The following TSHZ2 variants were observed in gnomAD, a reference collection of about 807,000 sequenced individuals.
The protein encoded by TSHZ2 is teashirt zinc finger homeobox 2.
Under a neutral mutation model 74.4 loss-of-function variants are expected in TSHZ2, and 21 were observed. The ratio of observed to expected loss-of-function variants is 0.28; its 90% CI spans 0.20 to 0.41. The LOEUF is 0.41. TSHZ2 is among the 10% of genes least tolerant of loss of function. The pLI is 1.00. For missense variants in TSHZ2, 1,244 were observed against 1,293.5 expected (o/e 0.96, Z 0.59); for synonymous variants, 540 against 515.3 (o/e 1.05, Z -0.65).
chr20:53,122,561 C>A (rs542579693), intron 1 of TSHZ2, among the ~76,000 whole-genome samples: 1 of 152,224 alleles, frequency 6.6e-6, no homozygotes, highest in East Asian at 1.9e-4. Context: ...AGAAAGTACT[C>A]CAGCCCAAGG....
At chr20:53,248,820 A>G (rs1990262629) in intron 1 of TSHZ2, among the ~76,000 whole-genome samples, 1 of 152,096 alleles carries the variant, frequency 6.6e-6, no homozygotes, top group South Asian at 2.1e-4. Flanking sequence ...ATTTATGGGG[A>G]TGCTCTGGTA....
chr20:53,253,626 G>A lies in TSHZ2; in HGVS notation c.168G>A (p.Thr56=), dbSNP rs267605999. ...CAGGGACGGACGAGGAGCTAGAAAC[G>A]GGCCCAGAGCAAAAAGGCTGCTTCA... is the stretch of plus-strand genomic sequence containing the variant. ...NDTGTDEELE[T]GPEQKGCFSY... The change falls in exon 2 of 3, where the codon ACG becomes ACA. Residue 56 remains threonine (T), a synonymous_variant. Coordinates refer to ENST00000371497, the MANE Select transcript of TSHZ2 (RefSeq NM_173485.6). 3.7e-6 allele frequency: 6 copies of A among 1,614,016 alleles called. No individual in the cohort carries two copies. In the South Asian group the frequency reaches 6.6e-5, roughly 18 times the overall value.
chr20:53,163,610 G>A lies in TSHZ2; in HGVS notation c.41-89889G>A, dbSNP rs534256430. On this transcript the variant is annotated intron_variant, in intron 1 of 2. Transcript: ENST00000371497. ...CAATGCTGTCTCTTGAATCACTCACGCTGGGGGACAGCCAGTAGCTGTGGT... is the reference window on the plus strand; with the variant it reads ...CAATGCTGTCTCTTGAATCACTCACACTGGGGGACAGCCAGTAGCTGTGGT... Among the ~76,000 whole-genome samples the A allele has an allele frequency of 7.2e-5, 11 of 152,032 alleles. No homozygotes were observed. In the East Asian group the frequency reaches 9.7e-4, roughly 13 times the overall value.
At chr20:53,462,815 T>TTAA (rs989855037) in intron 2 of TSHZ2, among the ~76,000 whole-genome samples, 1 of 151,888 alleles carries the variant, frequency 6.6e-6, no homozygotes, top group African/African-American at 2.4e-5. Flanking sequence ...CATGAGCCAG[T>TTAA]GGTTAAGGGG....
intron 2 of TSHZ2, among the ~76,000 whole-genome samples, chr20:53,385,224 A>G (rs752802367): frequency 1.6e-4 from 25 of 152,228 alleles, no homozygotes; most frequent in Non-Finnish European, 3.1e-4. Context: ...GGAATAATAT[A>G]AAAACAGGAG....
chr20:53,453,885 A>C (rs1218680704), intron 2 of TSHZ2, among the ~76,000 whole-genome samples: 1 of 151,998 alleles, frequency 6.6e-6, no homozygotes, highest in Non-Finnish European at 1.5e-5. Flanking sequence ...CTGGTTTGGA[A>C]GAAGTCACCA....
intron 2 of TSHZ2, among the ~76,000 whole-genome samples, chr20:53,308,523 G>A (rs993074136): frequency 5.9e-5 from 9 of 152,136 alleles, no homozygotes; most frequent in Non-Finnish European, 1.2e-4. Context: ...AAAGGCCACC[G>A]ACACTTAGGA....
intron 2 of TSHZ2, among the ~76,000 whole-genome samples, chr20:53,263,675 C>T (rs1214525016): frequency 2.0e-5 from 3 of 152,320 alleles, no homozygotes; most frequent in East Asian, 3.9e-4. Flanking sequence ...AGGCTGCTAG[C>T]TCGCAGCCCC....
At chr20:52,974,822 G>T (rs1463218380) in intron 1 of TSHZ2, among the ~76,000 whole-genome samples, 4 of 152,158 alleles carry the variant, frequency 2.6e-5, no homozygotes, top group Admixed American at 6.5e-5. Flanking sequence ...TTCCCTATTT[G>T]TAAGTTGGTT....
At chr20:53,347,738 C>G (rs1303439306) in intron 2 of TSHZ2, among the ~76,000 whole-genome samples, 1 of 151,992 alleles carries the variant, frequency 6.6e-6, no homozygotes, top group East Asian at 1.9e-4. Flanking sequence ...CTGTACAGAT[C>G]AATCCATTGC....
At chr20:53,444,855 G>A (rs953511961) in intron 2 of TSHZ2, among the ~76,000 whole-genome samples, 3 of 152,106 alleles carry the variant, frequency 2.0e-5, no homozygotes, top group African/African-American at 7.2e-5. Flanking sequence ...GTTTTATTTT[G>A]CCACTTGGCC....
At chr20:53,118,256 C>T (rs1219599748) in intron 1 of TSHZ2, among the ~76,000 whole-genome samples, 1 of 151,968 alleles carries the variant, frequency 6.6e-6, no homozygotes, top group Non-Finnish European at 1.5e-5. Flanking sequence ...TTGTAAGAAA[C>T]AAATAGATTT....
chr20:52,984,371 C>T (rs1424700201), intron 1 of TSHZ2, among the ~76,000 whole-genome samples: 1 of 152,130 alleles, frequency 6.6e-6, no homozygotes, highest in East Asian at 1.9e-4. Flanking sequence ...TAGAGCATGA[C>T]AGGAAGTGGC....
intron 2 of TSHZ2, among the ~76,000 whole-genome samples, chr20:53,364,734 A>G (rs1048608026): frequency 6.6e-6 from 1 of 152,224 alleles, no homozygotes; most frequent in Non-Finnish European, 1.5e-5. Flanking sequence ...GGGGCTTGGC[A>G]TGGGGGCACT....
intron 2 of TSHZ2, among the ~76,000 whole-genome samples, chr20:53,361,135 A>T (rs1981035528): frequency 6.6e-6 from 1 of 152,194 alleles, no homozygotes; most frequent in Non-Finnish European, 1.5e-5. Flanking sequence ...ACACTGAGGC[A>T]TCAGTAAATA....
At chr20:53,039,966 C>T (rs1373331229) in intron 1 of TSHZ2, among the ~76,000 whole-genome samples, 1 of 151,666 alleles carries the variant, frequency 6.6e-6, no homozygotes, top group South Asian at 2.1e-4. Context: ...ATTAGCCAGG[C>T]GTGGAGGTGC....
At chr20:53,342,944 T>C (rs936615430) in intron 2 of TSHZ2, among the ~76,000 whole-genome samples, 5 of 143,080 alleles carry the variant, frequency 3.5e-5, no homozygotes, top group South Asian at 2.2e-4. Flanking sequence ...TCTTTTCTTT[T>C]CTTTTCTTTT....
chr20:53,346,378 G>A (rs1283166576), intron 2 of TSHZ2, among the ~76,000 whole-genome samples: 1 of 152,168 alleles, frequency 6.6e-6, no homozygotes, highest in African/African-American at 2.4e-5. Context: ...AAATAGGAAG[G>A]GAACGGCCCT....
intron 1 of TSHZ2, among the ~76,000 whole-genome samples, chr20:53,051,339 CAAAAA>C (rs201578725): frequency 6.6e-6 from 1 of 151,154 alleles, no homozygotes; most frequent in Non-Finnish European, 1.5e-5. Context: ...GACTGTGTCT[CAAAAA>C]AAAGATATTG....
Sources: gnomAD v4.1 joint callset for allele counts (sites outside exome capture counted in the v4.1 genomes callset) on GRCh38, gnomAD v4.1.1 for gene constraint, MANE v1.5 for transcripts, NCBI Gene and HGNC (gene_info 2026-07-23, HGNC 2026-07-21) for gene names.